The following PARPBP variants were observed in gnomAD, a reference collection of about 807,000 sequenced individuals.
PARPBP encodes the protein PARP1 binding protein, also known as PCNA-interacting partner.
A neutral mutation model predicts 50.0 loss-of-function variants in PARPBP; 52 were observed. The observed-to-expected ratio is 1.04, with a 90% CI of 0.83 to 1.31. The LOEUF is 1.31. PARPBP is among the 50% of genes most tolerant of loss of function. The pLI is 0.00. For synonymous variants in PARPBP, 244 were observed against 232.1 expected (o/e 1.05, Z -0.47); for missense variants, 697 against 672.0 (o/e 1.04, Z -0.41).
chr12:102,132,373 G>C (rs1388307414), intron 2 of PARPBP, among the ~76,000 whole-genome samples: 1 of 152,144 alleles, frequency 6.6e-6, no homozygotes, highest in Non-Finnish European at 1.5e-5. Context: ...TTTTTCTGCA[G>C]GTAGATACCC....
chr12:102,136,483 A>G (rs974511776), intron 2 of PARPBP, among the ~76,000 whole-genome samples: 21 of 152,324 alleles, frequency 1.4e-4, no homozygotes, highest in African/African-American at 4.1e-4. Flanking sequence ...TTTAACCCTC[A>G]TTGTAAGAAT....
intron 9 of PARPBP, among the ~76,000 whole-genome samples, chr12:102,184,468 G>A (rs928520560): frequency 6.6e-6 from 1 of 152,156 alleles, no homozygotes; most frequent in African/African-American, 2.4e-5. Flanking sequence ...AAAGTTTTGG[G>A]AAATAGAACA....
chr12:102,134,113 C>G (rs981125699), intron 2 of PARPBP, among the ~76,000 whole-genome samples: 1 of 148,956 alleles, frequency 6.7e-6, no homozygotes, highest in Non-Finnish European at 1.5e-5. Context: ...AAGATGAGAG[C>G]AGAAATAAAT....
chr12:102,163,788 T>C (rs1331456746), intron 4 of PARPBP, among the ~76,000 whole-genome samples: 2 of 152,228 alleles, frequency 1.3e-5, no homozygotes, highest in African/African-American at 4.8e-5. Context: ...TTTGTCCACT[T>C]TTCTGTTGAC....
intron 6 of PARPBP, among the ~76,000 whole-genome samples, chr12:102,174,737 T>C (rs1476340475): frequency 6.6e-6 from 1 of 152,228 alleles, no homozygotes; most frequent in Non-Finnish European, 1.5e-5. Flanking sequence ...CTTCCTCTTA[T>C]ATGTTTCTCA....
intron 7 of PARPBP, among the ~76,000 whole-genome samples, chr12:102,175,976 A>G (rs1345435163): frequency 2.6e-5 from 4 of 151,396 alleles, no homozygotes; most frequent in African/African-American, 7.3e-5. Context: ...CTATTTTTCC[A>G]TAAATATTCT....
At chr12:102,180,417 T>C (rs1197314734) in intron 8 of PARPBP, among the ~76,000 whole-genome samples, 3 of 152,164 alleles carry the variant, frequency 2.0e-5, no homozygotes, top group Non-Finnish European at 2.9e-5. Flanking sequence ...AAGGAATCTT[T>C]CTAGGCCAGG....
At chr12:102,143,051 T>G (rs1379239581) in intron 2 of PARPBP, among the ~76,000 whole-genome samples, 1 of 152,200 alleles carries the variant, frequency 6.6e-6, no homozygotes, top group African/African-American at 2.4e-5. Flanking sequence ...TGCAGAAGTT[T>G]CTGCTGCCTT....
intron 1 of PARPBP, among the ~76,000 whole-genome samples, chr12:102,121,664 C>T (rs1480795594): frequency 6.7e-6 from 1 of 150,154 alleles, no homozygotes; most frequent in African/African-American, 2.5e-5. Flanking sequence ...AGCGATTCTC[C>T]TGTCTCAGCC....
chr12:102,124,200 G>A (rs1469741550), intron 2 of PARPBP, among the ~76,000 whole-genome samples, 159 bp downstream of exon 2: 1 of 152,128 alleles, frequency 6.6e-6, no homozygotes, highest in Non-Finnish European at 1.5e-5. Context: ...ATCTGTGTCA[G>A]AATGTTATGA....
At chr12:102,168,763 A>G (rs1434614787) in intron 6 of PARPBP, among the ~76,000 whole-genome samples, 1 of 152,094 alleles carries the variant, frequency 6.6e-6, no homozygotes, top group African/African-American at 2.4e-5. Context: ...GGGAAAGTGG[A>G]TAACCCATTT....
chr12:102,128,937 A>G (rs188074440), intron 2 of PARPBP, among the ~76,000 whole-genome samples: 1 of 152,318 alleles, frequency 6.6e-6, no homozygotes, highest in African/African-American at 2.4e-5. Flanking sequence ...ACAGTATACA[A>G]AGGATTCCCT....
chr12:102,137,083 T>G (rs957055256), intron 2 of PARPBP, among the ~76,000 whole-genome samples: 6 of 152,032 alleles, frequency 3.9e-5, no homozygotes, highest in African/African-American at 7.2e-5. Flanking sequence ...GCCTCCTGAG[T>G]AGCTGGACTA....
chr12:102,178,629 G>T lies in PARPBP; in HGVS notation c.1043G>T (p.Cys348Phe). ...SHAINHGTAYCGRDTVKALLV... is the reference protein window; with the variant it reads ...SHAINHGTAYFGRDTVKALLV... ...GCCATAAACCATGGTACTGCATACTGTGGCAGAGATACTGTGAAAGCCTTA... is the reference window on the plus strand; with the variant it reads ...GCCATAAACCATGGTACTGCATACTTTGGCAGAGATACTGTGAAAGCCTTA... Residue 348 changes from cysteine to phenylalanine, a missense_variant, in exon 8 of 11, where the codon TGT becomes TTT. Transcript: ENST00000327680. The T allele has an allele frequency of 3.1e-6, 5 of 1,612,964 alleles. No individual in the cohort carries two copies. Among genetic ancestry groups the T allele is most frequent in the Non-Finnish European group, 4.2e-6 (5 of 1,179,418 alleles).
chr12:102,163,394 TTC>T (rs1350332017), intron 4 of PARPBP, among the ~76,000 whole-genome samples: 2 of 152,230 alleles, frequency 1.3e-5, no homozygotes, highest in African/African-American at 2.4e-5. Context: ...ACTCAAGATT[TTC>T]TCTTACTTTT....
intron 4 of PARPBP, among the ~76,000 whole-genome samples, chr12:102,154,422 A>T (rs1886611958): frequency 6.6e-6 from 1 of 152,198 alleles, no homozygotes; most frequent in African/African-American, 2.4e-5. Flanking sequence ...AGTGCCACAT[A>T]CAAGTTTGGT....
intron 4 of PARPBP, among the ~76,000 whole-genome samples, chr12:102,157,175 C>T (rs1268260128): frequency 6.6e-6 from 1 of 151,750 alleles, no homozygotes; most frequent in Non-Finnish European, 1.5e-5. Context: ...TCTTGTAATA[C>T]TCTTGTAATA....
At chr12:102,148,627 AG>A (rs780239715) in intron 3 of PARPBP, 164 bp downstream of exon 3, 8 of 453,832 alleles carry the variant, frequency 1.8e-5, no homozygotes, top group Non-Finnish European at 3.1e-5. Flanking sequence ...ATTACTTGAA[AG>A]AAAGATTTTG....
chr12:102,157,163 TCTCTTGTAATA>T (rs931573481), intron 4 of PARPBP, among the ~76,000 whole-genome samples: 48 of 151,494 alleles, frequency 3.2e-4, no homozygotes, highest in African/African-American at 1.0e-3. Context: ...CTCTTGTATG[TCTCTTGTAATA>T]CTCTTGTAAT....
Sources: allele counts gnomAD v4.1 joint callset (sites outside exome capture counted in the v4.1 genomes callset), GRCh38; gene constraint gnomAD v4.1.1; transcripts MANE v1.5; gene names NCBI Gene and HGNC (gene_info 2026-07-23, HGNC 2026-07-21).